The following FOXN3 variants were observed in gnomAD, a reference collection of about 807,000 sequenced individuals.
FOXN3 encodes forkhead box N3.
Under a neutral mutation model 38.4 loss-of-function variants are expected in FOXN3, and 7 were observed. That is an observed-to-expected ratio of 0.18 (90% confidence interval 0.10 to 0.34). The LOEUF (loss-of-function observed/expected upper bound fraction) is 0.34. FOXN3 is among the 10% of genes least tolerant of loss of function. The pLI is 1.00. For synonymous variants in FOXN3, 230 were observed against 242.2 expected (o/e 0.95, Z 0.47); for missense variants, 456 against 613.4 (o/e 0.74, Z 2.71).
At chr14:89,313,596 G>GTATA (rs57290204) in intron 3 of FOXN3, among the ~76,000 whole-genome samples, 114,540 of 150,728 alleles carry the variant, frequency 0.76, 43,674 homozygotes, top group Middle Eastern at 0.83. Context: ...CGAAGTCCAT[G>GTATA]TATACTACTG....
chr14:89,507,215 T>C (rs148568636), intron 1 of FOXN3, among the ~76,000 whole-genome samples: 260 of 151,702 alleles, frequency 1.7e-3, no homozygotes, highest in African/African-American at 5.8e-3. Flanking sequence ...AGTCAATCAG[T>C]TTAGCTTAGA....
intron 2 of FOXN3, among the ~76,000 whole-genome samples, chr14:89,397,847 G>A (rs145754533): frequency 1.3e-5 from 2 of 152,232 alleles, no homozygotes; most frequent in Non-Finnish European, 2.9e-5. Context: ...GTAAGACCAT[G>A]GATACAAATG....
chr14:89,211,746 A>G (rs920051257), intron 4 of FOXN3, among the ~76,000 whole-genome samples: 2 of 152,186 alleles, frequency 1.3e-5, no homozygotes, highest in African/African-American at 4.8e-5. Flanking sequence ...AACAGAACAG[A>G]ACGAAATTCT....
chr14:89,280,144 G>A (rs572326420), intron 4 of FOXN3, among the ~76,000 whole-genome samples: 4 of 152,216 alleles, frequency 2.6e-5, no homozygotes, highest in Non-Finnish European at 4.4e-5. Flanking sequence ...TAGAAAGCTC[G>A]AAGGCCCCGG....
chr14:89,467,338 C>T (rs1892990546), intron 1 of FOXN3, among the ~76,000 whole-genome samples: 1 of 152,112 alleles, frequency 6.6e-6, no homozygotes, highest in African/African-American at 2.4e-5. Flanking sequence ...CTTCATTACA[C>T]GTTGTAGAAA....
Position 89,168,907 on chromosome 14 carries a change from C to T in FOXN3, c.852-5938G>A, listed in dbSNP as rs114858262. On this transcript the variant is annotated intron_variant, in intron 5 of 5. Coordinates refer to ENST00000557258, the MANE Select transcript of FOXN3 (RefSeq NM_005197.4). The stretch of plus-strand genomic sequence containing the variant: ...GCCTAAAGTACTAATTAAGATAAAA[C>T]AAGTGAAGCAGAAGAAAGTGGAACA... Among the ~76,000 whole-genome samples, 1,203 of 152,174 alleles carry T rather than the reference C, an allele frequency of 7.9e-3. 12 individuals carry two copies. The highest frequency in any genetic ancestry group is 0.028 in the African/African-American group (1,146 of 41,504).
chr14:89,496,678 T>C (rs1485111024), intron 1 of FOXN3, among the ~76,000 whole-genome samples: 1 of 152,226 alleles, frequency 6.6e-6, no homozygotes, highest in Non-Finnish European at 1.5e-5. Context: ...TCTTAACCAC[T>C]TTTAAGTGTA....
At chr14:89,170,134 C>T (rs958261787) in intron 5 of FOXN3, among the ~76,000 whole-genome samples, 11 of 152,204 alleles carry the variant, frequency 7.2e-5, no homozygotes, top group Non-Finnish European at 1.6e-4. Context: ...AGTCATTCAA[C>T]AGTCTAAGGA....
In FOXN3 at chr14:89,417,102, C is replaced by A. The variant is rs1486660946; in HGVS notation, c.-246G>T. 6.9e-6 allele frequency: 1 copy of A among 143,954 alleles called. No individual in the cohort carries two copies. The highest frequency in any genetic ancestry group is 2.5e-5 in the African/African-American group (1 of 40,224). The allele number at this position is 143,954 out of a possible 1,614,324, so 8.9% of individuals were successfully genotyped here. A position where few individuals can be genotyped will look rare whatever the true frequency, so the allele number is the denominator to read the frequency against. On this transcript the variant is annotated 5_prime_UTR_variant, in exon 1 of 6. Transcript: ENST00000557258. ...TGCGGCGTCCGCCGGGCGCGCCGCG[C>A]GTCCTCCCGCCGGCCCCGCCGCTCT...
intron 2 of FOXN3, among the ~76,000 whole-genome samples, chr14:89,408,153 G>T (rs917436913): frequency 2.0e-5 from 3 of 152,214 alleles, no homozygotes; most frequent in Admixed American, 6.5e-5. Flanking sequence ...CTAGTTCAGG[G>T]ATTCTCAAAC....
Position 89,354,680 on chromosome 14 carries a change from C to A in FOXN3, c.544-3872G>T, listed in dbSNP as rs568208185. ...AACCAGCCTGACTAACATGGTGAAACCCCATCTCTACTAAAAATACCATAA... is the reference window on the plus strand; with the variant it reads ...AACCAGCCTGACTAACATGGTGAAAACCCATCTCTACTAAAAATACCATAA... On this transcript the variant is annotated intron_variant, in intron 2 of 5. Coordinates refer to ENST00000557258, the MANE Select transcript of FOXN3 (RefSeq NM_005197.4). Among the ~76,000 whole-genome samples the A allele has an allele frequency of 4.6e-5, 7 of 151,234 alleles. No individual in the cohort carries two copies. The South Asian group carries it at 6.3e-4, about 14-fold the overall frequency.
At chr14:89,544,260 C>G (rs1006561205) in intron 1 of FOXN3, among the ~76,000 whole-genome samples, 20 of 151,272 alleles carry the variant, frequency 1.3e-4, no homozygotes, top group Non-Finnish European at 2.5e-4. Flanking sequence ...CCAGGATGGT[C>G]TCGATCTCCT....
chr14:89,280,550 T>G (rs1038357504), intron 4 of FOXN3, among the ~76,000 whole-genome samples: 1 of 152,210 alleles, frequency 6.6e-6, no homozygotes, highest in African/African-American at 2.4e-5. Context: ...AGTGCCAGAA[T>G]AACCAAACCC....
At chr14:89,274,674 A>G (rs1596146735) in intron 4 of FOXN3, among the ~76,000 whole-genome samples, 1 of 152,234 alleles carries the variant, frequency 6.6e-6, no homozygotes, top group Non-Finnish European at 1.5e-5. Flanking sequence ...TCACAAAGCT[A>G]TATGTGCACC....
rs1430902645 is a variant in FOXN3 at position 89,325,277 on chromosome 14, C to A, written c.680+25395G>T. 8.2e-5 allele frequency among the ~76,000 whole-genome samples: 12 copies of A among 146,210 alleles called. 1 individual carries two copies. The highest frequency in any genetic ancestry group is 3.0e-4 in the African/African-American group (12 of 39,476). On this transcript the variant is annotated intron_variant, in intron 3 of 5. Transcript: ENST00000557258. ...ACCACCACCACCACCATCACCAACACCAACACCAACACCACCAACACCAAC... is the reference window on the plus strand; with the variant it reads ...ACCACCACCACCACCATCACCAACAACAACACCAACACCACCAACACCAAC...
intron 2 of FOXN3, among the ~76,000 whole-genome samples, chr14:89,368,018 G>T (rs1327505370): frequency 6.6e-6 from 1 of 152,176 alleles, no homozygotes; most frequent in Admixed American, 6.5e-5. Flanking sequence ...CTCAGAAACT[G>T]CTGAGTTCTG....
rs188049228 is a variant in FOXN3 at position 89,516,329 on chromosome 14, G to T, written c.-15+102699C>A. On this transcript the variant is annotated intron_variant, in intron 1 of 6. Coordinates refer to the FOXN3 transcript ENST00000345097. The stretch of plus-strand genomic sequence containing the variant: ...TTTTATAACCTTACACAGGCCAGAT[G>T]GAAATGGAGGCTTCCACTCATCTAA... Among the ~76,000 whole-genome samples, 15 of 152,200 alleles carry T rather than the reference G, an allele frequency of 9.9e-5. 1 individual carries two copies. The East Asian group carries it at 2.3e-3, about 23-fold the overall frequency.
chr14:89,346,945 A>G (rs1299429869), intron 3 of FOXN3, among the ~76,000 whole-genome samples: 6 of 152,126 alleles, frequency 3.9e-5, no homozygotes, highest in African/African-American at 1.4e-4. Context: ...TTTGCTGCTC[A>G]TCACCGTCCC....
intron 3 of FOXN3, among the ~76,000 whole-genome samples, chr14:89,302,655 G>A (rs552316760): frequency 4.6e-5 from 7 of 152,094 alleles, no homozygotes; most frequent in Non-Finnish European, 8.8e-5. Flanking sequence ...GCCAAGGCTC[G>A]TGCCTTCCTC....
Sources: gnomAD v4.1 joint callset for allele counts (sites outside exome capture counted in the v4.1 genomes callset) on GRCh38, gnomAD v4.1.1 for gene constraint, MANE v1.5 for transcripts, NCBI Gene and HGNC (gene_info 2026-07-23, HGNC 2026-07-21) for gene names.